The following NKAIN2 variants were observed in gnomAD, a reference collection of about 807,000 sequenced individuals.
NKAIN2 encodes sodium/potassium transporting ATPase interacting 2, also known as sodium/potassium-transporting ATPase subunit beta-1-interacting protein 2.
Under a neutral mutation model 32.6 loss-of-function variants are expected in NKAIN2, and 14 were observed. That is an observed-to-expected ratio of 0.43 (90% CI 0.28 to 0.67). NKAIN2 has a LOEUF of 0.67. NKAIN2 is among the 30% of genes least tolerant of loss of function. The probability of loss-of-function intolerance (pLI) is 0.17; values close to 1 mark genes in which losing one functional copy is unlikely to be tolerated. For synonymous variants in NKAIN2, 80 were observed against 87.2 expected, an observed-to-expected ratio of 0.92 and a Z score of 0.46; for missense variants, 198 against 258.3, an observed-to-expected ratio of 0.77 and a Z score of 1.60.
chr6:124,348,644 G>A (rs906318521), intron 2 of NKAIN2, among the ~76,000 whole-genome samples: 17 of 152,196 alleles, frequency 1.1e-4, no homozygotes, highest in South Asian at 4.1e-4. Context: ...GAACAGCTCC[G>A]GTCTACAGCT....
At chr6:124,320,296 C>A (rs555188663) in intron 2 of NKAIN2, among the ~76,000 whole-genome samples, 1 of 152,088 alleles carries the variant, frequency 6.6e-6, no homozygotes, top group Admixed American at 6.6e-5. Flanking sequence ...GTAAGAAATG[C>A]ACTATTTTCA....
chr6:123,851,016 A>G (rs951761772), intron 1 of NKAIN2, among the ~76,000 whole-genome samples: 1 of 152,048 alleles, frequency 6.6e-6, no homozygotes, highest in Non-Finnish European at 1.5e-5. Context: ...CGTAAATAAT[A>G]GGATTTCTTT....
intron 5 of NKAIN2, among the ~76,000 whole-genome samples, chr6:124,798,052 TTATC>T (rs574672316): frequency 9.0e-4 from 136 of 150,954 alleles, no homozygotes; most frequent in African/African-American, 1.8e-3. Flanking sequence ...TCCTTTCTTC[TTATC>T]TATCTATTAT....
chr6:124,065,517 G>T (rs1208727080), intron 1 of NKAIN2, among the ~76,000 whole-genome samples: 1 of 152,072 alleles, frequency 6.6e-6, no homozygotes, highest in Non-Finnish European at 1.5e-5. Flanking sequence ...AGATGTGAGG[G>T]AGCTATTCGC....
At chr6:124,200,903 G>T (rs927861037) in intron 1 of NKAIN2, among the ~76,000 whole-genome samples, 1 of 152,080 alleles carries the variant, frequency 6.6e-6, no homozygotes, top group Non-Finnish European at 1.5e-5. Context: ...TAATTAACCA[G>T]TGTAGAACAC....
intron 4 of NKAIN2, among the ~76,000 whole-genome samples, chr6:124,772,310 G>A (rs868151282): frequency 6.6e-6 from 1 of 152,256 alleles, no homozygotes; most frequent in South Asian, 2.1e-4. Context: ...TGAGATTCAG[G>A]ATAATCCAAT....
chr6:124,433,447 T>G (rs766907129), intron 3 of NKAIN2, among the ~76,000 whole-genome samples: 1 of 152,194 alleles, frequency 6.6e-6, no homozygotes, highest in Non-Finnish European at 1.5e-5. Flanking sequence ...CACCAGCCCC[T>G]ATGACTTCAT....
chr6:124,284,964 A>G (rs997973884), intron 2 of NKAIN2, among the ~76,000 whole-genome samples: 3 of 152,196 alleles, frequency 2.0e-5, no homozygotes, highest in Non-Finnish European at 2.9e-5. Context: ...CCTTTTGAAT[A>G]AAGACGTACC....
At chr6:123,857,894 G>T (rs921399928) in intron 1 of NKAIN2, among the ~76,000 whole-genome samples, 1 of 152,138 alleles carries the variant, frequency 6.6e-6, no homozygotes, top group Non-Finnish European at 1.5e-5. Context: ...TGAAGAGTGA[G>T]AATGACACAG....
At chr6:124,603,793 C>T (rs1311036324) in intron 3 of NKAIN2, among the ~76,000 whole-genome samples, 1 of 151,904 alleles carries the variant, frequency 6.6e-6, no homozygotes, top group Non-Finnish European at 1.5e-5. Context: ...TGTGTAGTCA[C>T]CCTAGATTGA....
At chr6:124,371,723 A>G (rs1224697622) in intron 3 of NKAIN2, among the ~76,000 whole-genome samples, 2 of 150,670 alleles carry the variant, frequency 1.3e-5, no homozygotes, top group African/African-American at 4.9e-5. Context: ...GAAAGAAAGG[A>G]AAAAAAAGAG....
At chr6:124,359,592 A>G (rs1799169707) in intron 3 of NKAIN2, among the ~76,000 whole-genome samples, 1 of 152,142 alleles carries the variant, frequency 6.6e-6, no homozygotes, top group African/African-American at 2.4e-5. Context: ...TTGGTGTATA[A>G]GAATGCTTGT....
chr6:124,017,970 C>T lies in NKAIN2; in HGVS notation c.54+213716C>T, dbSNP rs761104673. Reference sequence around the variant, plus strand: ...GCTCACACCCCACATTTCCCTTCTGCACTGCCCTAGCAGAGGTTGTTCATA... The same window carrying T: ...GCTCACACCCCACATTTCCCTTCTGTACTGCCCTAGCAGAGGTTGTTCATA... On this transcript the variant is annotated intron_variant, in intron 1 of 6. Transcript: ENST00000368417. Among the ~76,000 whole-genome samples, 131 of 152,340 alleles carry T rather than the reference C, an allele frequency of 8.6e-4. 1 individual carries two copies. Among genetic ancestry groups the T allele is most frequent in the Non-Finnish European group, 5.3e-4 (36 of 68,036 alleles).
chr6:124,436,220 T>C (rs1775436427), intron 3 of NKAIN2, among the ~76,000 whole-genome samples: 1 of 152,186 alleles, frequency 6.6e-6, no homozygotes. Flanking sequence ...GATGACAAAA[T>C]GTTATTCATT....
chr6:124,320,193 AT>A (rs1202020545), intron 2 of NKAIN2, among the ~76,000 whole-genome samples: 3 of 152,156 alleles, frequency 2.0e-5, no homozygotes, highest in African/African-American at 7.2e-5. Flanking sequence ...TTTGTTTAAA[AT>A]GTCAGCTATT....
chr6:124,503,397 A>G (rs1208629170), intron 3 of NKAIN2, among the ~76,000 whole-genome samples: 1 of 152,112 alleles, frequency 6.6e-6, no homozygotes, highest in Non-Finnish European at 1.5e-5. Flanking sequence ...TTTTTTCATA[A>G]TGTAAATAGG....
chr6:123,919,449 A>G (rs1049223775), intron 1 of NKAIN2, among the ~76,000 whole-genome samples: 2 of 152,184 alleles, frequency 1.3e-5, no homozygotes, highest in Non-Finnish European at 2.9e-5. Context: ...AACAGTTACT[A>G]TTAACTGCAA....
At chr6:124,503,247 G>A (rs111892353) in intron 3 of NKAIN2, among the ~76,000 whole-genome samples, 2,052 of 152,012 alleles carry the variant, frequency 0.013, 20 homozygotes, top group Non-Finnish European at 0.022. Context: ...GCCCCAAAAA[G>A]CAAAAGTAAA....
At chr6:124,465,906 GA>G (rs1375944419) in intron 3 of NKAIN2, among the ~76,000 whole-genome samples, 1 of 151,974 alleles carries the variant, frequency 6.6e-6, no homozygotes, top group Admixed American at 6.6e-5. Flanking sequence ...ATGAGTTAAT[GA>G]AATTCTAAAC....
Sources: gnomAD v4.1 joint callset for allele counts (sites outside exome capture counted in the v4.1 genomes callset) on GRCh38, gnomAD v4.1.1 for gene constraint, MANE v1.5 for transcripts, NCBI Gene and HGNC (gene_info 2026-07-23, HGNC 2026-07-21) for gene names.